The following GPR137B variants were observed in gnomAD, a reference collection of about 807,000 sequenced individuals.
GPR137B encodes integral membrane protein GPR137B.
In GPR137B, 42 loss-of-function variants were observed where a neutral mutation model predicts 42.5. The observed-to-expected ratio is 0.99, with a 90% CI of 0.77 to 1.28. The LOEUF (loss-of-function observed/expected upper bound fraction) is 1.28. Among genes scored for constraint, GPR137B ranks in the 50% most tolerant of loss-of-function variants. GPR137B has a pLI of 0.00. For synonymous variants in GPR137B, 218 were observed against 209.7 expected, an observed-to-expected ratio of 1.04 and a Z score of -0.34; for missense variants, 487 against 493.9, an observed-to-expected ratio of 0.99 and a Z score of 0.13.
Position 236,201,150 on chromosome 1 carries a change from G to C in GPR137B, c.967-3976G>C, listed in dbSNP as rs541449048. Among the ~76,000 whole-genome samples, 65 of 152,156 alleles carry C rather than the reference G, an allele frequency of 4.3e-4. 3 individuals are homozygous for C. The highest frequency in any genetic ancestry group is 1.5e-3 in the African/African-American group (62 of 41,412). On this transcript the variant is annotated intron_variant, in intron 5 of 6. Coordinates refer to ENST00000366592, the MANE Select transcript of GPR137B (RefSeq NM_003272.4). ...AATTATTTTGTTTGAAGAGGCTAAA[G>C]ATAGGACCCCAATCCCTTCTGGCTT...
chr1:236,162,205 G>A (rs1283743212), intron 1 of GPR137B, among the ~76,000 whole-genome samples: 1 of 152,204 alleles, frequency 6.6e-6, no homozygotes, highest in Non-Finnish European at 1.5e-5. Flanking sequence ...GAGATTGGTG[G>A]CATTTTACCC....
chr1:236,205,045 C>T, intron 5 of GPR137B, 81 bp from the exon 6 acceptor site: 2 of 1,137,836 alleles, frequency 1.8e-6, no homozygotes, highest in South Asian at 2.8e-5. Flanking sequence ...TCTTTAGTCT[C>T]CTACAAGAAA....
At chr1:236,200,476 A>G (rs966742094) in intron 5 of GPR137B, among the ~76,000 whole-genome samples, 5 of 151,878 alleles carry the variant, frequency 3.3e-5, no homozygotes, top group Admixed American at 2.0e-4. Flanking sequence ...TGGTGTTGCT[A>G]TCTCATTTCT....
At chr1:236,153,198 G>C (rs190517476) in intron 1 of GPR137B, among the ~76,000 whole-genome samples, 1 of 152,056 alleles carries the variant, frequency 6.6e-6, no homozygotes, top group Non-Finnish European at 1.5e-5. Flanking sequence ...ACAGTATTGC[G>C]CAGCTGTCAC....
chr1:236,176,676 T>G (rs1662695716), intron 2 of GPR137B, among the ~76,000 whole-genome samples: 1 of 152,150 alleles, frequency 6.6e-6, no homozygotes. Flanking sequence ...CTACTGTGCT[T>G]AGAGCATTCA....
At chr1:236,197,269 G>A (rs564693550) in intron 5 of GPR137B, among the ~76,000 whole-genome samples, 1 of 152,134 alleles carries the variant, frequency 6.6e-6, no homozygotes, top group African/African-American at 2.4e-5. Flanking sequence ...TTGAGTTCTT[G>A]AAGATTTTGG....
chr1:236,165,985 G>A (rs1413245841), intron 1 of GPR137B, among the ~76,000 whole-genome samples: 1 of 152,220 alleles, frequency 6.6e-6, no homozygotes, highest in Non-Finnish European at 1.5e-5. Flanking sequence ...CAGCCACTTC[G>A]TGTGTTGGGT....
intron 2 of GPR137B, among the ~76,000 whole-genome samples, chr1:236,174,571 C>T (rs887121960): frequency 1.3e-5 from 2 of 152,132 alleles, no homozygotes; most frequent in Non-Finnish European, 2.9e-5. Flanking sequence ...AATCTACTGA[C>T]CTTGACAATG....
rs184824974 is a variant in GPR137B at position 236,142,874 on chromosome 1, C to T, written c.252C>T (p.Leu84=). The change falls in exon 1 of 7, where the codon CTC becomes CTT. Residue 84 remains leucine, a synonymous_variant. Coordinates refer to ENST00000366592, the MANE Select transcript of GPR137B (RefSeq NM_003272.4). ...GCTACCAGAGCGTCTTCCTCTTTCT[C>T]TGCCTCTTCTGGGCCTCCCTGCGGA... The part of the protein sequence containing the change: ...RLSYQSVFLF[L]CLFWASLRTV... 1.9e-6 allele frequency: 3 copies of T among 1,614,228 alleles called. No individual in the cohort carries two copies. Among genetic ancestry groups the T allele is most frequent in the East Asian group, 2.2e-5 (1 of 44,878 alleles).
intron 3 of GPR137B, 149 bp downstream of exon 3, chr1:236,178,785 G>GATTTTTT (rs1662771288): frequency 4.1e-5 from 2 of 48,310 alleles, no homozygotes; most frequent in Non-Finnish European, 9.0e-5. Context: ...GCTACTCGAG[G>GATTTTTT]TTTTTTTTTT....
Position 236,142,597 on chromosome 1 carries a change from G to C in GPR137B, c.-26G>C. On this transcript the variant is annotated 5_prime_UTR_variant, in exon 1 of 7. Coordinates refer to ENST00000366592, the MANE Select transcript of GPR137B (RefSeq NM_003272.4). ...GAGCGCGATGCGCGGAGACCCCCGC[G>C]GGGGCGGCGGCGGCCGTGAGCCCCG... 1 of 1,286,234 alleles carries C rather than the reference G, an allele frequency of 7.8e-7. No homozygotes were observed. Among genetic ancestry groups the C allele is most frequent in the Non-Finnish European group, 9.8e-7 (1 of 1,020,238 alleles). 79.7% of individuals were successfully genotyped at this position (1,286,234 alleles called of 1,614,324 possible).
chr1:236,205,285 A>G, intron 6 of GPR137B, 35 bp downstream of exon 6: 1 of 1,586,956 alleles, frequency 6.3e-7, no homozygotes, highest in African/African-American at 1.3e-5. Flanking sequence ...AAGCCTCATC[A>G]GGAGGGAAGG....
chr1:236,179,706 C>A (rs1662809507), intron 3 of GPR137B, among the ~76,000 whole-genome samples, 173 bp from the exon 4 acceptor site: 1 of 152,180 alleles, frequency 6.6e-6, no homozygotes, highest in South Asian at 2.1e-4. Context: ...TATGAAGACA[C>A]TTGAAATTGT....
chr1:236,179,286 G>C (rs1433365723), intron 3 of GPR137B, among the ~76,000 whole-genome samples: 1 of 152,018 alleles, frequency 6.6e-6, no homozygotes, highest in Non-Finnish European at 1.5e-5. Context: ...TTAGTTTTTT[G>C]GTCATGTTAA....
intron 4 of GPR137B, 145 bp downstream of exon 4, chr1:236,180,173 C>G (rs748977999): frequency 9.1e-6 from 6 of 657,162 alleles, no homozygotes; most frequent in Non-Finnish European, 8.3e-6. Flanking sequence ...ATAACCTACA[C>G]GCATCCTTCT....
At position 236,157,684 on chromosome 1, in the gene GPR137B, C is replaced by A. The variant is rs180970204; in HGVS notation, c.415-11022C>A. ...CCCACATACTCACATCCCTGTAGAACCTGCATGTACAAAGAGTTGGTCCTC... is the reference window on the plus strand; with the variant it reads ...CCCACATACTCACATCCCTGTAGAAACTGCATGTACAAAGAGTTGGTCCTC... On this transcript the variant is annotated intron_variant, in intron 1 of 6. Transcript: ENST00000366592. 2.4e-3 allele frequency among the ~76,000 whole-genome samples: 368 copies of A among 152,314 alleles called. 1 individual carries two copies. Among genetic ancestry groups the A allele is most frequent in the African/African-American group, 8.3e-3 (347 of 41,560 alleles).
At chr1:236,164,334 C>G (rs554334712) in intron 1 of GPR137B, among the ~76,000 whole-genome samples, 1 of 152,338 alleles carries the variant, frequency 6.6e-6, no homozygotes, top group Non-Finnish European at 1.5e-5. Context: ...ACACCTCCCT[C>G]TTTTTCATTC....
chr1:236,169,980 CAGTA>C (rs1181548292), intron 2 of GPR137B, among the ~76,000 whole-genome samples: 1 of 138,654 alleles, frequency 7.2e-6, no homozygotes, highest in African/African-American at 2.8e-5. Context: ...GCAGAGGTTG[CAGTA>C]AGCCAAGATT....
rs1388021832 is a variant in GPR137B, at chr1:236,179,810, T to G, written c.688-69T>G. The G allele has an allele frequency of 3.4e-6, 4 of 1,168,608 alleles. No individual in the cohort carries two copies. The African/African-American group carries it at 6.2e-5, about 18-fold the overall frequency. 72.4% of individuals were successfully genotyped at this position (1,168,608 alleles called of 1,614,324 possible). The stretch of plus-strand genomic sequence containing the variant: ...AGGGCTTTACCAGACTGATAGCAGG[T>G]GGGGGCTGGGGAAGGGGCTGGTGTC... On this transcript the variant is annotated intron_variant, in intron 3 of 6. Transcript: ENST00000366592.
Sources: gnomAD v4.1 joint callset for allele counts (sites outside exome capture counted in the v4.1 genomes callset) on GRCh38, gnomAD v4.1.1 for gene constraint, MANE v1.5 for transcripts, NCBI Gene and HGNC (gene_info 2026-07-23, HGNC 2026-07-21) for gene names.